The following MAP3K2 variants were observed in gnomAD, a reference collection of about 807,000 sequenced individuals.
MAP3K2 encodes mitogen-activated protein kinase kinase kinase 2.
Under a neutral mutation model 80.3 loss-of-function variants are expected in MAP3K2, and 24 were observed. The observed-to-expected ratio is 0.30, with a 90% confidence interval of 0.22 to 0.42. MAP3K2 has a LOEUF of 0.42. MAP3K2 is among the 10% of genes least tolerant of loss of function. The pLI is 1.00. For synonymous variants in MAP3K2, 244 were observed against 253.7 expected (o/e 0.96, Z 0.36); for missense variants, 608 against 750.1 (o/e 0.81, Z 2.21).
In MAP3K2 at chr2:127,303,547, G is replaced by T. The variant is rs563214038; in HGVS notation, c.*4032C>A. On this transcript the variant is annotated 3_prime_UTR_variant, in exon 17 of 17. Transcript: ENST00000682094. ...TAACAGCCAATGATTACCTAAAATT[G>T]CTTTTCCCTTAATAAAAAATAACAT... is the stretch of plus-strand genomic sequence containing the variant. The T allele has an allele frequency of 7.9e-5, 12 of 152,146 alleles. No homozygotes were observed. The highest frequency in any genetic ancestry group is 2.6e-4 in the African/African-American group (11 of 41,510). The allele number at this position is 152,146 out of a possible 1,614,324, so 9.4% of individuals were successfully genotyped here.
chr2:127,308,048 A>AT (rs1685737008), intron 16 of MAP3K2, among the ~76,000 whole-genome samples: 1 of 152,110 alleles, frequency 6.6e-6, no homozygotes, highest in South Asian at 2.1e-4. Context: ...TCATCTTATT[A>AT]TTTTTGTTTT....
chr2:127,364,761 T>G lies in MAP3K2; in HGVS notation c.-65-21567A>C, dbSNP rs1686943171. Reference sequence around the variant, plus strand: ...ACTCATCTTCTTTTCCCTCCACCTTTCCCCTCATCTTTAAAAATATACCCC... The same window carrying G: ...ACTCATCTTCTTTTCCCTCCACCTTGCCCCTCATCTTTAAAAATATACCCC... On this transcript the variant is annotated intron_variant, in intron 1 of 16. Coordinates refer to ENST00000682094, the MANE Select transcript of MAP3K2 (RefSeq NM_001371910.2). This position sits in a 1 kb window ranked among gnomAD's most constrained non-coding sequence, Gnocchi z 4.1. Among the ~76,000 whole-genome samples, 1 of 152,106 alleles carries G rather than the reference T, an allele frequency of 6.6e-6. No homozygotes were observed. Among genetic ancestry groups the G allele is most frequent in the South Asian group, 2.1e-4 (1 of 4,824 alleles).
chr2:127,299,498 T>C lies in MAP3K2; in HGVS notation c.*8081A>G, dbSNP rs183398170. 1.7e-4 allele frequency: 26 copies of C among 152,282 alleles called. No homozygotes were observed. The East Asian group carries it at 4.8e-3, about 28-fold the overall frequency. 9.4% of individuals were successfully genotyped at this position (152,282 alleles called of 1,614,324 possible). A position where few individuals can be genotyped will look rare whatever the true frequency, so the allele number is the denominator to read the frequency against. ...CAAAGACAACAGTAGGACAGGCCAA[T>C]AGCAACTGGAGATAGAAAAATCTTG... On this transcript the variant is annotated 3_prime_UTR_variant, in exon 17 of 17. Transcript: ENST00000682094.
chr2:127,344,354 T>C (rs1185622602), intron 1 of MAP3K2, among the ~76,000 whole-genome samples: 1 of 152,032 alleles, frequency 6.6e-6, no homozygotes, highest in Non-Finnish European at 1.5e-5. Context: ...CACAAAATTA[T>C]TTTAAAAATT....
At chr2:127,366,672 C>G (rs2104880331) in intron 1 of MAP3K2, among the ~76,000 whole-genome samples, 1 of 152,164 alleles carries the variant, frequency 6.6e-6, no homozygotes, top group Non-Finnish European at 1.5e-5. Context: ...TACAATTTTT[C>G]CAATACTTTT....
chr2:127,334,204 C>T (rs1262302348), intron 5 of MAP3K2, among the ~76,000 whole-genome samples: 5 of 151,458 alleles, frequency 3.3e-5, no homozygotes, highest in Non-Finnish European at 7.4e-5. Context: ...AAAAAAAAAC[C>T]AGCAATTCTT....
At chr2:127,358,255 C>T (rs1180906802) in intron 1 of MAP3K2, among the ~76,000 whole-genome samples, 1 of 152,178 alleles carries the variant, frequency 6.6e-6, no homozygotes, top group African/African-American at 2.4e-5. Flanking sequence ...ACCAAAACTA[C>T]AAGATTACAA....
At position 127,326,815 on chromosome 2, in the gene MAP3K2, G is replaced by T. The variant is rs778219189; in HGVS notation, c.469C>A (p.Pro157Thr). The T allele has an allele frequency of 1.9e-6, 3 of 1,542,698 alleles. No homozygotes were observed. Among genetic ancestry groups the T allele is most frequent in the Non-Finnish European group, 2.6e-6 (3 of 1,145,336 alleles). Residue 157 changes from proline (P) to threonine (T), a missense_variant and splice_region_variant, in exon 8 of 17, where the codon CCT (proline) becomes ACT (threonine). Transcript: ENST00000682094. ...GGAGAACTTCTATCTCTACTAGTAG[G>T]ACCTCAAGGAAGAAAAATAATGTAA... is the stretch of plus-strand genomic sequence containing the variant. ...ERKKRLSIIG[P>T]TSRDRSSPPP...
chr2:127,311,779 C>T (rs1034118216), intron 15 of MAP3K2, among the ~76,000 whole-genome samples: 3 of 152,162 alleles, frequency 2.0e-5, no homozygotes, highest in African/African-American at 7.2e-5. Context: ...AATATATAGT[C>T]GGTGTTCAAT....
intron 2 of MAP3K2, among the ~76,000 whole-genome samples, chr2:127,341,409 A>G (rs148328579): frequency 6.6e-6 from 1 of 152,202 alleles, no homozygotes; most frequent in Non-Finnish European, 1.5e-5. Flanking sequence ...TGACATAAAA[A>G]ACAAAGGGCA....
At position 127,299,489 on chromosome 2, in the gene MAP3K2, A is replaced by C. The variant is rs1342586042; in HGVS notation, c.*8090T>G. The C allele has an allele frequency of 1.3e-5, 2 of 152,230 alleles. No homozygotes were observed. Among genetic ancestry groups the C allele is most frequent in the African/African-American group, 4.8e-5 (2 of 41,470 alleles). 9.4% of individuals were successfully genotyped at this position (152,230 alleles called of 1,614,324 possible). ...GGAAATATTCAAAGACAACAGTAGGACAGGCCAATAGCAACTGGAGATAGA... is the reference window on the plus strand; with the variant it reads ...GGAAATATTCAAAGACAACAGTAGGCCAGGCCAATAGCAACTGGAGATAGA... On this transcript the variant is annotated 3_prime_UTR_variant, in exon 17 of 17. Transcript: ENST00000682094.
rs958796951 is a variant in MAP3K2 at position 127,305,090 on chromosome 2, C to A, written c.*2489G>T. On this transcript the variant is annotated 3_prime_UTR_variant, in exon 17 of 17. Coordinates refer to ENST00000682094, the MANE Select transcript of MAP3K2 (RefSeq NM_001371910.2). ...AAGAAAACAGAGACTGAAAAAAAAA[C>A]AGTTTTGCTCTGGGTTCTACAGTCT... 2 of 151,418 alleles carry A rather than the reference C, an allele frequency of 1.3e-5. No homozygotes were observed. Among genetic ancestry groups the A allele is most frequent in the Non-Finnish European group, 3.0e-5 (2 of 67,692 alleles). 9.4% of individuals were successfully genotyped at this position (151,418 alleles called of 1,614,324 possible). A position where few individuals can be genotyped will look rare whatever the true frequency, so the allele number is the denominator to read the frequency against.
chr2:127,327,294 T>C (rs1299952352), intron 7 of MAP3K2, among the ~76,000 whole-genome samples: 1 of 152,182 alleles, frequency 6.6e-6, no homozygotes, highest in Non-Finnish European at 1.5e-5. Flanking sequence ...ATTTTAGCCT[T>C]ATGTAAAGGA....
chr2:127,350,013 C>T (rs957264036), intron 1 of MAP3K2, among the ~76,000 whole-genome samples: 1 of 152,072 alleles, frequency 6.6e-6, no homozygotes, highest in Non-Finnish European at 1.5e-5. Flanking sequence ...TTTGCTACCA[C>T]GCCCAGCTAA....
At chr2:127,379,491 TACC>T (rs1558992247) in intron 1 of MAP3K2, among the ~76,000 whole-genome samples, 3 of 152,222 alleles carry the variant, frequency 2.0e-5, no homozygotes, top group African/African-American at 7.2e-5. Flanking sequence ...AGCTATTCAC[TACC>T]TTTATTTTCT....
intron 7 of MAP3K2, 28 bp downstream of exon 7, chr2:127,329,893 T>C: frequency 7.9e-7 from 1 of 1,258,620 alleles, no homozygotes; most frequent in East Asian, 2.3e-5. Flanking sequence ...AAATCATTCA[T>C]TTCATAATTC....
At chr2:127,326,845 T>C (rs746576467) in intron 7 of MAP3K2, 28 bp from the exon 8 acceptor site, 1 of 1,474,222 alleles carries the variant, frequency 6.8e-7, no homozygotes, top group South Asian at 1.4e-5. Flanking sequence ...ATGTAATTTA[T>C]AATTATAGGC....
intron 15 of MAP3K2, among the ~76,000 whole-genome samples, chr2:127,312,229 T>C (rs1241086018): frequency 6.6e-6 from 1 of 152,240 alleles, no homozygotes; most frequent in Non-Finnish European, 1.5e-5. Flanking sequence ...TTTCATCCAT[T>C]AATTTCATCT....
chr2:127,384,667 C>T (rs1003344373), intron 1 of MAP3K2, among the ~76,000 whole-genome samples: 3 of 150,396 alleles, frequency 2.0e-5, no homozygotes, highest in Non-Finnish European at 4.5e-5. Context: ...AACAAAGTGG[C>T]CTTTTTTTTT....
Sources: allele counts gnomAD v4.1 joint callset (sites outside exome capture counted in the v4.1 genomes callset), GRCh38; gene constraint gnomAD v4.1.1; non-coding constraint Gnocchi (gnomAD v3.1); transcripts MANE v1.5; gene names NCBI Gene and HGNC (gene_info 2026-07-23, HGNC 2026-07-21).